The following MAML3 variants were observed in gnomAD, a reference collection of about 807,000 sequenced individuals.
The protein encoded by MAML3 is mastermind like transcriptional coactivator 3.
Under a neutral mutation model 101.9 loss-of-function variants are expected in MAML3, and 27 were observed. The ratio of observed to expected loss-of-function variants is 0.27; its 90% CI spans 0.20 to 0.37. MAML3 has a LOEUF of 0.37. Among genes scored for constraint, MAML3 ranks in the 10% least tolerant of loss-of-function variants. The pLI is 1.00. For synonymous variants in MAML3, 501 were observed against 555.9 expected, an observed-to-expected ratio of 0.90 and a Z score of 1.39; for missense variants, 1,316 against 1,444.9, an observed-to-expected ratio of 0.91 and a Z score of 1.45.
At position 139,890,872 on chromosome 4, in the gene MAML3, A is replaced by G. The variant is rs775050505; in HGVS notation, c.564T>C (p.Thr188=). ...AAATGTCCTTTCGAATTCGTTTGCT[A>G]GTCGGAGAAAAATTCCCATCACAAG... is the stretch of plus-strand genomic sequence containing the variant. ...NGACDGNFSP[T]SKRIRKDISA... Residue 188 remains threonine, a synonymous_variant, in exon 2 of 5, where the codon ACT becomes ACC. Transcript: ENST00000509479. The surrounding 1 kb of genome is among the most constrained non-coding windows in gnomAD (Gnocchi z 4.1). 5.0e-6 allele frequency: 8 copies of G among 1,613,808 alleles called. No homozygotes were observed. Among genetic ancestry groups the G allele is most frequent in the African/African-American group, 2.7e-5 (2 of 75,056 alleles).
At chr4:139,945,264 T>A (rs2110746842) in intron 1 of MAML3, among the ~76,000 whole-genome samples, 1 of 152,354 alleles carries the variant, frequency 6.6e-6, no homozygotes, top group South Asian at 2.1e-4. Flanking sequence ...AGCAAACAAC[T>A]CTTCCTATTT....
At chr4:139,842,166 C>T (rs1731374280) in intron 2 of MAML3, among the ~76,000 whole-genome samples, 1 of 152,174 alleles carries the variant, frequency 6.6e-6, no homozygotes, top group Admixed American at 6.5e-5. Flanking sequence ...TTTCAGAGCC[C>T]ACACGGAGTA....
chr4:140,088,798 T>C (rs12648900), intron 1 of MAML3, among the ~76,000 whole-genome samples: 53,520 of 152,090 alleles, frequency 0.35, 11,141 homozygotes, highest in Non-Finnish European at 0.45. Context: ...AAAGAACTAA[T>C]TTAGAGTTTT....
chr4:139,903,150 C>T (rs548489480), intron 1 of MAML3, among the ~76,000 whole-genome samples: 89 of 152,294 alleles, frequency 5.8e-4, no homozygotes, highest in African/African-American at 2.1e-3. Flanking sequence ...ACAATGAATT[C>T]TTTAAAAAAT....
At chr4:140,137,397 A>G (rs1728909393) in intron 1 of MAML3, among the ~76,000 whole-genome samples, 1 of 152,196 alleles carries the variant, frequency 6.6e-6, no homozygotes, top group African/African-American at 2.4e-5. Context: ...GGGTTTTAAC[A>G]TTGAAAATTT....
At chr4:140,145,189 G>A (rs1729038760) in intron 1 of MAML3, among the ~76,000 whole-genome samples, 1 of 152,184 alleles carries the variant, frequency 6.6e-6, no homozygotes, top group Non-Finnish European at 1.5e-5. Flanking sequence ...ACACAGCAGT[G>A]TAACCTAATA....
chr4:139,801,751 G>A lies in MAML3; in HGVS notation c.2080-71084C>T, dbSNP rs144173305. ...TCATGTTTGTGTCTTTGGAACTTAC[G>A]GGTAGCAGTGGTGCTTAGGATCAGC... On this transcript the variant is annotated intron_variant, in intron 2 of 4. Coordinates refer to ENST00000509479, the MANE Select transcript of MAML3 (RefSeq NM_018717.5). Among the ~76,000 whole-genome samples, 5 of 152,120 alleles carry A rather than the reference G, an allele frequency of 3.3e-5. No homozygotes were observed. The East Asian group carries it at 7.7e-4, about 23-fold the overall frequency.
chr4:140,069,345 A>T (rs961476055), intron 1 of MAML3, among the ~76,000 whole-genome samples: 51 of 110,466 alleles, frequency 4.6e-4, no homozygotes, highest in Admixed American at 9.3e-4. Context: ...GGAGAAGGAG[A>T]AGGAGAAGGA....
At chr4:139,871,754 A>G (rs533398453) in intron 2 of MAML3, among the ~76,000 whole-genome samples, 15 of 151,798 alleles carry the variant, frequency 9.9e-5, no homozygotes, top group African/African-American at 3.6e-4. Flanking sequence ...CAGTTTCCCT[A>G]CTCCCCTTTC....
At chr4:139,907,366 C>T (rs1459112644) in intron 1 of MAML3, among the ~76,000 whole-genome samples, 2 of 152,188 alleles carry the variant, frequency 1.3e-5, no homozygotes, top group East Asian at 3.8e-4. Context: ...AAATCAATAA[C>T]TTACTTTCAA....
chr4:139,959,477 A>C (rs548846669), intron 1 of MAML3, among the ~76,000 whole-genome samples: 4 of 152,248 alleles, frequency 2.6e-5, no homozygotes, highest in Non-Finnish European at 4.4e-5. Flanking sequence ...TCTATGGCAG[A>C]AAAGAAAGCT....
intron 2 of MAML3, among the ~76,000 whole-genome samples, chr4:139,864,825 AC>A (rs1731862183): frequency 6.6e-6 from 1 of 150,998 alleles, no homozygotes; most frequent in South Asian, 2.1e-4. Flanking sequence ...GAATTATAGG[AC>A]TCTCAAGGAA....
At chr4:139,806,414 C>A (rs893594969) in intron 2 of MAML3, among the ~76,000 whole-genome samples, 32 of 151,844 alleles carry the variant, frequency 2.1e-4, no homozygotes, top group African/African-American at 7.5e-4. Flanking sequence ...ATTAAAAGAA[C>A]AAAATATATT....
chr4:140,134,742 G>A (rs6822207), intron 1 of MAML3, among the ~76,000 whole-genome samples: 48,221 of 152,042 alleles, frequency 0.32, 9,581 homozygotes, highest in Non-Finnish European at 0.43. Flanking sequence ...TGGGTGTTCT[G>A]CAAAAAAAGG....
At chr4:139,830,457 C>T (rs1391198086) in intron 2 of MAML3, among the ~76,000 whole-genome samples, 1 of 147,726 alleles carries the variant, frequency 6.8e-6, no homozygotes, top group African/African-American at 2.6e-5. Context: ...CTCCGTCACC[C>T]AGGCTGGAGT....
chr4:139,947,256 T>C (rs950727705), intron 1 of MAML3, among the ~76,000 whole-genome samples: 3 of 152,194 alleles, frequency 2.0e-5, no homozygotes, highest in African/African-American at 2.4e-5. Context: ...TAAATCACTA[T>C]TTAAATGGCA....
intron 1 of MAML3, among the ~76,000 whole-genome samples, chr4:139,900,910 T>G (rs1732706442): frequency 6.6e-6 from 1 of 152,178 alleles, no homozygotes; most frequent in Non-Finnish European, 1.5e-5. Flanking sequence ...TCACAATAAC[T>G]TAAAGGACAG....
intron 2 of MAML3, among the ~76,000 whole-genome samples, chr4:139,827,479 C>T (rs1370400614): frequency 2.6e-5 from 4 of 152,124 alleles, no homozygotes; most frequent in African/African-American, 9.7e-5. Context: ...ATGCAGATTC[C>T]TGGAAACACA....
intron 1 of MAML3, among the ~76,000 whole-genome samples, chr4:140,052,685 C>A (rs1161604701): frequency 6.6e-6 from 1 of 152,008 alleles, no homozygotes; most frequent in African/African-American, 2.4e-5. Flanking sequence ...CAGGCATACA[C>A]CACCATACCC....
Sources: allele counts gnomAD v4.1 joint callset (sites outside exome capture counted in the v4.1 genomes callset), GRCh38; gene constraint gnomAD v4.1.1; non-coding constraint Gnocchi (gnomAD v3.1); transcripts MANE v1.5; gene names NCBI Gene and HGNC (gene_info 2026-07-23, HGNC 2026-07-21).